Variants in POLE observed in about 807,000 individuals in gnomAD.
POLE encodes DNA polymerase epsilon, catalytic subunit.
POLE carries 188 observed loss-of-function variants against 279.2 expected under a neutral mutation model. The ratio of observed to expected loss-of-function variants is 0.67; its 90% CI spans 0.60 to 0.76. POLE has a LOEUF of 0.76. Among genes scored for constraint, POLE ranks in the 30% least tolerant of loss-of-function variants. POLE has a pLI of 0.00. For missense variants in POLE, 2,703 were observed against 3,016.7 expected (o/e 0.90, Z 2.44); for synonymous variants, 1,214 against 1,172.5 (o/e 1.04, Z -0.72).
Position 132,639,414 on chromosome 12 carries a change from T to G in POLE, c.5379-116A>C. ...CCCTACACGGCTGGGTCCAAATCCG[T>G]CACTGTCGCCTCCCCTTCTCACTGT... On this transcript the variant is annotated intron_variant, in intron 39 of 48. Coordinates refer to ENST00000320574, the MANE Select transcript of POLE (RefSeq NM_006231.4). The surrounding 1 kb of genome is among the most constrained non-coding windows in gnomAD (Gnocchi z 4.7). 1 of 909,964 alleles carries G rather than the reference T, an allele frequency of 1.1e-6. No homozygotes were observed. 56.4% of individuals were successfully genotyped at this position (909,964 alleles called of 1,614,324 possible). A position where few individuals can be genotyped will look rare whatever the true frequency, so the allele number is the denominator to read the frequency against.
intron 27 of POLE, 141 bp downstream of exon 27, chr12:132,657,727 G>A (rs1235073963): frequency 7.0e-6 from 5 of 712,242 alleles, no homozygotes; most frequent in Admixed American, 4.7e-5. Flanking sequence ...AGGTTATTAG[G>A]TGCTCACCTA....
In POLE at chr12:132,660,955, G is replaced by T. The variant is rs1346605189; in HGVS notation, c.3060+14C>A. The T allele has an allele frequency of 1.3e-6, 2 of 1,583,022 alleles. No individual in the cohort carries two copies. The highest frequency in any genetic ancestry group is 1.7e-6 in the Non-Finnish European group (2 of 1,163,446). On this transcript the variant is annotated intron_variant, in intron 25 of 48. Coordinates refer to ENST00000320574, the MANE Select transcript of POLE (RefSeq NM_006231.4). ...ATCCCTCAGAGCAGGTGAGGGTGGA[G>T]GGTAGGCCTTTACCTTGCTGTACAG...
chr12:132,677,493 ATTC>A, intron 7 of POLE, 50 bp from the exon 8 acceptor site: 1 of 1,608,950 alleles, frequency 6.2e-7, no homozygotes, highest in Non-Finnish European at 8.5e-7. Flanking sequence ...AGGAAAGTCT[ATTC>A]TTCTGTGGAT....
rs1167117347 is a variant in POLE, at chr12:132,658,881, C to CAAAAAAAAAAAAAAAAAAAAAAAAAAAAA, written c.3275+413_3275+414insTTTTTTTTTTTTTTTTTTTTTTTTTTTTT. ...ACTGGTCCTATTTGTATATAACCAC[C>CAAAAAAAAAAAAAAAAAAAAAAAAAAAAA]AAAAAAAAAAAAAAAAAAAAAAAAA... On this transcript the variant is annotated intron_variant, in intron 26 of 48. Transcript: ENST00000320574. Among the ~76,000 whole-genome samples, 24 of 33,836 alleles carry CAAAAAAAAAAAAAAAAAAAAAAAAAAAAA rather than the reference C, an allele frequency of 7.1e-4. 5 individuals carry two copies. The highest frequency in any genetic ancestry group is 1.1e-3 in the Non-Finnish European group (19 of 17,928). The allele number at this position is 33,836 out of a possible 152,430, so 22.2% of individuals were successfully genotyped here.
chr12:132,646,209 A>C (rs2042280224), intron 32 of POLE, among the ~76,000 whole-genome samples: 1 of 152,130 alleles, frequency 6.6e-6, no homozygotes. Flanking sequence ...ATTAATATGA[A>C]GTTCTAGAAA....
Position 132,664,602 on chromosome 12 carries a change from GA to G in POLE, c.2469-141del. The G allele has an allele frequency of 1.5e-6, 1 of 684,670 alleles. No individual in the cohort carries two copies. The highest frequency in any genetic ancestry group is 2.6e-6 in the Non-Finnish European group (1 of 382,540). 42.4% of individuals were successfully genotyped at this position (684,670 alleles called of 1,614,324 possible). On this transcript the variant is annotated intron_variant, in intron 21 of 48. Transcript: ENST00000320574. The surrounding 1 kb of genome is among the most constrained non-coding windows in gnomAD (Gnocchi z 5.3). ...AGCCAAATGTGCGTGCACCAGGACA[GA>G]ACTAAGGTGGAATCTGGCTCTGCCC...
intron 20 of POLE, among the ~76,000 whole-genome samples, chr12:132,666,931 C>T (rs1191141871): frequency 6.6e-6 from 1 of 152,058 alleles, no homozygotes; most frequent in Non-Finnish European, 1.5e-5. Context: ...GTGCAGGATG[C>T]CAGGGGGCCG....
At chr12:132,651,702 C>A (rs1356390778) in intron 29 of POLE, among the ~76,000 whole-genome samples, 2 of 152,224 alleles carry the variant, frequency 1.3e-5, no homozygotes, top group Non-Finnish European at 2.9e-5. Flanking sequence ...CTCCTGAGAG[C>A]AGCTATAAAA....
chr12:132,657,741 C>T, intron 27 of POLE, 127 bp downstream of exon 27: 1 of 751,676 alleles, frequency 1.3e-6, no homozygotes, highest in Non-Finnish European at 2.3e-6. Flanking sequence ...TCACCTATTA[C>T]TTATCAGAAA....
chr12:132,659,114 C>T (rs1192705932), intron 26 of POLE, among the ~76,000 whole-genome samples, 181 bp downstream of exon 26: 2 of 152,084 alleles, frequency 1.3e-5, no homozygotes, highest in African/African-American at 4.8e-5. Flanking sequence ...ACACTTATGC[C>T]ATCCCCAAAC....
chr12:132,624,913 G>A lies in POLE; in HGVS notation c.6739C>T (p.His2247Tyr). The change falls in exon 48 of 49, where the codon CAC becomes TAC. Residue 2247 changes from histidine to tyrosine, a missense_variant. Around this residue, in one of 5 missense-constraint regions of POLE, gnomAD observed 1,551 missense variants for 1,686.1 expected, o/e 0.92. Coordinates refer to ENST00000320574, the MANE Select transcript of POLE (RefSeq NM_006231.4). ...SCAGDFALTIHTQVFMEQIGI... is the reference protein window; with the variant it reads ...SCAGDFALTIYTQVFMEQIGI... ...GATGAGGGAGAGCCCACCTGGGTGT[G>A]GATGGTGAGGGCGAAGTCTCCCGCG... 6.2e-7 allele frequency: 1 copy of A among 1,613,782 alleles called. No homozygotes were observed. Among genetic ancestry groups the A allele is most frequent in the Non-Finnish European group, 8.5e-7 (1 of 1,179,662 alleles).
At chr12:132,656,761 A>T (rs190396617) in intron 29 of POLE, among the ~76,000 whole-genome samples, 26 of 152,294 alleles carry the variant, frequency 1.7e-4, no homozygotes, top group African/African-American at 6.0e-4. Flanking sequence ...TCTGACTTTC[A>T]CTGTACCTTT....
rs540288852 is a variant in POLE, at chr12:132,639,094, G to A, written c.5552+31C>T. 10 of 1,606,598 alleles carry A rather than the reference G, an allele frequency of 6.2e-6. No homozygotes were observed. The highest frequency in any genetic ancestry group is 2.2e-5 in the East Asian group (1 of 44,810). On this transcript the variant is annotated intron_variant, in intron 40 of 48. Coordinates refer to ENST00000320574, the MANE Select transcript of POLE (RefSeq NM_006231.4). This position sits in a 1 kb window ranked among gnomAD's most constrained non-coding sequence, Gnocchi z 4.7. Reference sequence around the variant, plus strand: ...AAGGGACCAGCCCAGCTGAGGACGCGGTGGACAGCCCAGGGAGGAGGAGCA... The same window carrying A: ...AAGGGACCAGCCCAGCTGAGGACGCAGTGGACAGCCCAGGGAGGAGGAGCA...
chr12:132,637,729 G>A (rs2042061376), intron 41 of POLE, among the ~76,000 whole-genome samples: 1 of 152,128 alleles, frequency 6.6e-6, no homozygotes, highest in Admixed American at 6.6e-5. Flanking sequence ...AATATCCATG[G>A]GGAAAAAAAG....
At chr12:132,671,334 A>G (rs1176777271) in intron 16 of POLE, among the ~76,000 whole-genome samples, 1 of 149,492 alleles carries the variant, frequency 6.7e-6, no homozygotes, top group East Asian at 2.0e-4. Flanking sequence ...TAAACCAGCA[A>G]CCTCACTGAA....
intron 12 of POLE, among the ~76,000 whole-genome samples, chr12:132,674,958 A>G (rs2136005907): frequency 6.6e-6 from 1 of 150,500 alleles, no homozygotes; most frequent in Middle Eastern, 3.4e-3. Flanking sequence ...CCAACCAGTC[A>G]TGTCAGAGCC....
rs899872545 is a variant in POLE, at chr12:132,661,632, G to C, written c.2759C>G (p.Thr920Ser). 5 of 1,614,206 alleles carry C rather than the reference G, an allele frequency of 3.1e-6. No individual in the cohort carries two copies. The highest frequency in any genetic ancestry group is 4.2e-6 in the Non-Finnish European group (5 of 1,180,028). Residue 920 changes from threonine (T) to serine (S), a missense_variant, in exon 24 of 49, where the codon ACC (threonine) becomes AGC (serine). Coordinates refer to ENST00000320574, the MANE Select transcript of POLE (RefSeq NM_006231.4). The surrounding 1 kb of genome is among the most constrained non-coding windows in gnomAD (Gnocchi z 4.1). ...GCTGTTCTCTGAGCGGGTGACGTAG[G>C]TGAGTGAGGACGGCTCAGCCAGCTC... Reference protein sequence around the residue: ...YQELAEPSSLTYVTRSENSIF... With the variant: ...YQELAEPSSLSYVTRSENSIF...
chr12:132,676,268 A>C, intron 9 of POLE, 64 bp from the exon 10 acceptor site: 1 of 1,059,986 alleles, frequency 9.4e-7, no homozygotes, highest in Non-Finnish European at 1.5e-6. Context: ...TGGCGTTCCC[A>C]CCCTGCCCAC....
At chr12:132,646,302 TG>T (rs141124582) in intron 32 of POLE, among the ~76,000 whole-genome samples, 3,154 of 152,228 alleles carry the variant, frequency 0.021, 52 homozygotes, top group East Asian at 0.028. Flanking sequence ...TCCCGGGTGA[TG>T]GAAACGTTCT....
Sources: gnomAD v4.1 joint callset for allele counts (sites outside exome capture counted in the v4.1 genomes callset) on GRCh38, gnomAD v4.1.1 for gene constraint, gnomAD v4.1.1 regional missense constraint, Gnocchi (gnomAD v3.1) non-coding constraint, MANE v1.5 for transcripts, NCBI Gene and HGNC (gene_info 2026-07-23, HGNC 2026-07-21) for gene names.